The following UTRN variants were observed in gnomAD, a reference collection of about 807,000 sequenced individuals.
UTRN encodes the protein dystrophin-related protein 1.
Under a neutral mutation model 463.9 loss-of-function variants are expected in UTRN, and 283 were observed. That is an observed-to-expected ratio of 0.61 (90% CI 0.55 to 0.67). The LOEUF is 0.67. Ranked by LOEUF, UTRN falls within the 30% of genes least tolerant of loss-of-function variation. The probability of loss-of-function intolerance (pLI) is 0.00; values close to 1 mark genes in which losing one functional copy is unlikely to be tolerated. For synonymous variants in UTRN, 1,442 were observed against 1,431.5 expected, an observed-to-expected ratio of 1.01 and a Z score of -0.17; for missense variants, 3,922 against 4,084.3, an observed-to-expected ratio of 0.96 and a Z score of 1.08.
intron 53 of UTRN, among the ~76,000 whole-genome samples, chr6:144,704,243 C>G (rs1365324180): frequency 6.6e-6 from 1 of 152,120 alleles, no homozygotes; most frequent in Non-Finnish European, 1.5e-5. Context: ...AGTTTCCTAG[C>G]TTAGTTTATG....
At chr6:144,452,332 G>A (rs1192597715) in intron 18 of UTRN, among the ~76,000 whole-genome samples, 1 of 152,164 alleles carries the variant, frequency 6.6e-6, no homozygotes, top group Non-Finnish European at 1.5e-5. Context: ...GCACTTACAT[G>A]TAAACAATTT....
chr6:144,655,570 G>A (rs1779239590), intron 51 of UTRN, among the ~76,000 whole-genome samples: 2 of 152,186 alleles, frequency 1.3e-5, no homozygotes, highest in Admixed American at 6.5e-5. Context: ...AGCGATTTAT[G>A]TGTAATCACC....
intron 53 of UTRN, among the ~76,000 whole-genome samples, chr6:144,702,895 G>C (rs1784731301): frequency 6.6e-6 from 1 of 152,160 alleles, no homozygotes; most frequent in South Asian, 2.1e-4. Context: ...TTAGGTCCTT[G>C]AATATTCTTT....
At chr6:144,517,368 CTTTT>C (rs140155099) in intron 39 of UTRN, among the ~76,000 whole-genome samples, 1 of 143,012 alleles carries the variant, frequency 7.0e-6, no homozygotes, top group African/African-American at 2.6e-5. Context: ...TTATATTTTT[CTTTT>C]TTTTTTTTAA....
At chr6:144,472,116 A>G (rs1790718089) in intron 23 of UTRN, among the ~76,000 whole-genome samples, 1 of 152,218 alleles carries the variant, frequency 6.6e-6, no homozygotes, top group Non-Finnish European at 1.5e-5. Flanking sequence ...TGTCCTAATT[A>G]AGAGGAAACA....
At chr6:144,659,220 A>T (rs901686460) in intron 51 of UTRN, among the ~76,000 whole-genome samples, 5 of 152,218 alleles carry the variant, frequency 3.3e-5, no homozygotes, top group Admixed American at 6.5e-5. Flanking sequence ...AATGTAAAAG[A>T]TAGAGAACTG....
In UTRN at chr6:144,795,064, C is replaced by T. The variant is rs1164383446; in HGVS notation, c.9078+1073C>T. 3.9e-5 allele frequency among the ~76,000 whole-genome samples: 6 copies of T among 152,086 alleles called. No homozygotes were observed. The East Asian group carries it at 1.2e-3, about 29-fold the overall frequency. On this transcript the variant is annotated intron_variant, in intron 63 of 74. Transcript: ENST00000367545. Reference sequence around the variant, plus strand: ...AGGCCCCAGTGTGTGATGTTCCCCTCCCTGTGTCCATGTGTTCTCATTGTT... The same window carrying T: ...AGGCCCCAGTGTGTGATGTTCCCCTTCCTGTGTCCATGTGTTCTCATTGTT...
At position 144,462,899 on chromosome 6, in the gene UTRN, A is replaced by G. The variant is rs1485675280; in HGVS notation, c.3066+33A>G. 6 of 1,492,172 alleles carry G rather than the reference A, an allele frequency of 4.0e-6. No individual in the cohort carries two copies. The East Asian group carries it at 1.4e-4, about 34-fold the overall frequency. 92.4% of individuals were successfully genotyped at this position (1,492,172 alleles called of 1,614,324 possible). ...CAGAGGCCACTGGGAGTTTAAGTTT[A>G]TTACGGGGTAAATAGTAATTATCTT... is the stretch of plus-strand genomic sequence containing the variant. On this transcript the variant is annotated intron_variant, in intron 23 of 74. Transcript: ENST00000367545.
chr6:144,492,587 T>C lies in UTRN; in HGVS notation c.4438-714T>C, dbSNP rs148648385. On this transcript the variant is annotated intron_variant, in intron 32 of 74. Coordinates refer to ENST00000367545, the MANE Select transcript of UTRN (RefSeq NM_007124.3). ...TAATTCTATGTTTAGTTCTTTGAGA[T>C]ATTTCCAAACTGCTTTCCCTAGGGG... Among the ~76,000 whole-genome samples, 579 of 152,350 alleles carry C rather than the reference T, an allele frequency of 3.8e-3. 1 individual carries two copies. The highest frequency in any genetic ancestry group is 0.013 in the African/African-American group (550 of 41,584).
chr6:144,674,451 A>AT (rs999777359), intron 51 of UTRN, among the ~76,000 whole-genome samples: 1 of 148,524 alleles, frequency 6.7e-6, no homozygotes, highest in Non-Finnish European at 1.5e-5. Context: ...TTTCCAGTGT[A>AT]TTTTGCATTT....
chr6:144,295,178 G>A (rs1036489934), intron 2 of UTRN, among the ~76,000 whole-genome samples: 5 of 152,244 alleles, frequency 3.3e-5, no homozygotes, highest in African/African-American at 1.2e-4. Context: ...CCAGTAGAGT[G>A]TGTGATGCAG....
chr6:144,463,324 G>A (rs768640491), intron 23 of UTRN, among the ~76,000 whole-genome samples: 15 of 152,260 alleles, frequency 9.9e-5, no homozygotes, highest in Non-Finnish European at 1.6e-4. Context: ...AAGGCAAATC[G>A]TTCCAGGGAC....
intron 2 of UTRN, among the ~76,000 whole-genome samples, chr6:144,358,024 T>C (rs1398941757): frequency 2.0e-5 from 3 of 152,226 alleles, no homozygotes; most frequent in Non-Finnish European, 4.4e-5. Flanking sequence ...TGAATTTGGA[T>C]TCAGCTACTT....
intron 51 of UTRN, among the ~76,000 whole-genome samples, chr6:144,675,130 C>A (rs1194272941): frequency 6.6e-6 from 1 of 152,164 alleles, no homozygotes; most frequent in African/African-American, 2.4e-5. Flanking sequence ...TGTTCAGATT[C>A]TTTTGCCCCA....
At chr6:144,443,067 A>G (rs566577321) in intron 13 of UTRN, among the ~76,000 whole-genome samples, 4 of 152,376 alleles carry the variant, frequency 2.6e-5, no homozygotes, top group Middle Eastern at 3.4e-3. Flanking sequence ...GAAACCTCCC[A>G]AAATTGCTTC....
intron 51 of UTRN, among the ~76,000 whole-genome samples, chr6:144,610,851 G>T (rs944125333): frequency 3.9e-5 from 6 of 152,108 alleles, no homozygotes; most frequent in Non-Finnish European, 7.4e-5. Context: ...CTCCAGCCTC[G>T]GGGACAAGAG....
intron 46 of UTRN, among the ~76,000 whole-genome samples, chr6:144,546,477 A>G (rs984499539): frequency 6.6e-6 from 1 of 152,212 alleles, no homozygotes; most frequent in Non-Finnish European, 1.5e-5. Context: ...AAGCCATTAT[A>G]TGTTAACAAA....
At position 144,451,448 on chromosome 6, in the gene UTRN, G is replaced by T; in HGVS notation, c.2151G>T (p.Glu717Asp). ...KTAIQTTEIK[E>D]YMKMQDTSEM... ...CCATTCAGACCACAGAGATAAAAGA[G>T]TATATGAAGATGCAAGACACTTCCG... The change falls in exon 18 of 75, where the codon GAG becomes GAT. Residue 717 changes from glutamate to aspartate, a missense_variant. Glu to Asp is a conservative substitution (Grantham distance 45, BLOSUM62 2). Around this residue, in one of 3 missense-constraint regions of UTRN, gnomAD observed 2,349 missense variants for 2,303.8 expected, o/e 1.02. Coordinates refer to ENST00000367545, the MANE Select transcript of UTRN (RefSeq NM_007124.3). 6.2e-7 allele frequency: 1 copy of T among 1,613,056 alleles called. No homozygotes were observed.
chr6:144,653,533 C>T (rs1202059090), intron 51 of UTRN, among the ~76,000 whole-genome samples: 4 of 150,494 alleles, frequency 2.7e-5, no homozygotes, highest in African/African-American at 4.9e-5. Context: ...TTGCAGTGAG[C>T]GGAGATCACG....
Sources: allele counts gnomAD v4.1 joint callset (sites outside exome capture counted in the v4.1 genomes callset), GRCh38; gene constraint gnomAD v4.1.1; regional missense constraint gnomAD v4.1.1; transcripts MANE v1.5; gene names NCBI Gene and HGNC (gene_info 2026-07-23, HGNC 2026-07-21).